Variants in LSAMP observed in about 807,000 individuals in gnomAD.
LSAMP encodes the protein limbic system-associated membrane protein.
A neutral mutation model predicts 38.6 loss-of-function variants in LSAMP; 7 were observed. The ratio of observed to expected loss-of-function variants is 0.18; its 90% CI spans 0.10 to 0.34. The LOEUF is 0.34. LSAMP is among the 10% of genes least tolerant of loss of function. LSAMP has a pLI of 1.00. For synonymous variants in LSAMP, 154 were observed against 166.8 expected (o/e 0.92, Z 0.59); for missense variants, 313 against 420.0 (o/e 0.75, Z 2.23).
At chr3:116,440,817 A>C (rs942441778) in intron 1 of LSAMP, among the ~76,000 whole-genome samples, 5 of 152,230 alleles carry the variant, frequency 3.3e-5, no homozygotes, top group African/African-American at 1.2e-4. Context: ...CAGAAAAAGA[A>C]AATTTCATGA....
intron 1 of LSAMP, among the ~76,000 whole-genome samples, chr3:116,103,485 AAAAG>A (rs1489198897): frequency 3.3e-5 from 5 of 149,722 alleles, no homozygotes; most frequent in Non-Finnish European, 5.9e-5. Flanking sequence ...AAAAAAAAAA[AAAAG>A]AAAGACAGTG....
intron 1 of LSAMP, among the ~76,000 whole-genome samples, chr3:116,346,455 A>G (rs780786570): frequency 6.6e-6 from 1 of 151,906 alleles, no homozygotes; most frequent in Non-Finnish European, 1.5e-5. Context: ...CAGTGTCCAC[A>G]GTAGCTGAGA....
At chr3:115,830,757 C>T (rs1934581537) in intron 6 of LSAMP, among the ~76,000 whole-genome samples, 1 of 152,160 alleles carries the variant, frequency 6.6e-6, no homozygotes, top group Non-Finnish European at 1.5e-5. Context: ...CAGTGATCTT[C>T]ACAGCATGGG....
intron 3 of LSAMP, among the ~76,000 whole-genome samples, chr3:115,955,029 A>C (rs1301468815): frequency 1.3e-5 from 2 of 150,736 alleles, no homozygotes; most frequent in Non-Finnish European, 2.9e-5. Flanking sequence ...ATCTCGGCTC[A>C]CTGCAAGCTC....
intron 2 of LSAMP, among the ~76,000 whole-genome samples, chr3:116,037,988 G>T (rs1941085399): frequency 6.6e-6 from 1 of 152,012 alleles, no homozygotes; most frequent in African/African-American, 2.4e-5. Flanking sequence ...TAAGAGGCCA[G>T]GGATCTAGAA....
intron 1 of LSAMP, among the ~76,000 whole-genome samples, chr3:116,154,277 C>A (rs534310331): frequency 6.6e-6 from 1 of 152,102 alleles, no homozygotes; most frequent in East Asian, 1.9e-4. Flanking sequence ...TAATTATGCT[C>A]ATTATGCTAC....
At chr3:115,884,148 G>T (rs1331637930) in intron 3 of LSAMP, among the ~76,000 whole-genome samples, 1 of 152,004 alleles carries the variant, frequency 6.6e-6, no homozygotes, top group Non-Finnish European at 1.5e-5. Flanking sequence ...TTTGCAAAGG[G>T]ATGAAGAAAA....
At chr3:115,880,411 T>A (rs1936291428) in intron 3 of LSAMP, among the ~76,000 whole-genome samples, 1 of 152,212 alleles carries the variant, frequency 6.6e-6, no homozygotes, top group Non-Finnish European at 1.5e-5. Context: ...TAAATTTTGT[T>A]TTGCCTTTTG....
intron 1 of LSAMP, among the ~76,000 whole-genome samples, chr3:116,249,936 A>G (rs965241956): frequency 1.3e-5 from 2 of 152,206 alleles, no homozygotes; most frequent in Admixed American, 1.3e-4. Context: ...TAAGAGCATT[A>G]TCTCATTTAT....
At chr3:115,977,729 C>A (rs1297722313) in intron 3 of LSAMP, among the ~76,000 whole-genome samples, 60 of 129,736 alleles carry the variant, frequency 4.6e-4, no homozygotes, top group Middle Eastern at 4.7e-3. Flanking sequence ...AACAGAACAC[C>A]AAAAAAAAAA....
chr3:116,444,811 A>ACACAAAC, intron 1 of LSAMP, 66 bp downstream of exon 1: 2 of 713,292 alleles, frequency 2.8e-6, no homozygotes, highest in African/African-American at 5.3e-5. Context: ...CACACACACA[A>ACACAAAC]ACACACACAC....
intron 2 of LSAMP, among the ~76,000 whole-genome samples, chr3:116,057,904 A>C (rs1941516894): frequency 6.6e-6 from 1 of 150,704 alleles, no homozygotes; most frequent in African/African-American, 2.4e-5. Flanking sequence ...AATTCCCTTC[A>C]GCTTGAAGTT....
intron 1 of LSAMP, among the ~76,000 whole-genome samples, chr3:116,440,904 T>G (rs1342543088): frequency 1.3e-5 from 2 of 152,242 alleles, no homozygotes; most frequent in Admixed American, 1.3e-4. Context: ...GAAAATCACA[T>G]ATCGTATCAA....
chr3:116,127,735 G>A lies in LSAMP; in HGVS notation c.156-41179C>T, dbSNP rs529880087. On this transcript the variant is annotated intron_variant, in intron 1 of 6. Coordinates refer to ENST00000490035, the MANE Select transcript of LSAMP (RefSeq NM_002338.5). ...TTTTTTTTTTTTGGTAGACCTGTTG[G>A]ATCACGAGGCAAATAGTACAAAAAA... is the stretch of plus-strand genomic sequence containing the variant. Among the ~76,000 whole-genome samples the A allele has an allele frequency of 8.8e-5, 12 of 136,854 alleles. No homozygotes were observed. In the South Asian group the frequency reaches 2.7e-3, roughly 31 times the overall value. 89.8% of individuals were successfully genotyped at this position (136,854 alleles called of 152,430 possible). A position where few individuals can be genotyped will look rare whatever the true frequency, so the allele number is the denominator to read the frequency against.
At chr3:115,957,139 A>G (rs1938478203) in intron 3 of LSAMP, among the ~76,000 whole-genome samples, 1 of 152,218 alleles carries the variant, frequency 6.6e-6, no homozygotes, top group Non-Finnish European at 1.5e-5. Context: ...TTTATGTAGT[A>G]AAGATATCCA....
intron 1 of LSAMP, among the ~76,000 whole-genome samples, chr3:116,158,775 C>T (rs1010497694): frequency 2.0e-5 from 3 of 151,940 alleles, no homozygotes; most frequent in East Asian, 1.9e-4. Flanking sequence ...TCATACTGCC[C>T]GAAGCAATTT....
intron 1 of LSAMP, among the ~76,000 whole-genome samples, chr3:116,114,197 C>A (rs1352036009): frequency 6.6e-6 from 1 of 152,204 alleles, no homozygotes; most frequent in African/African-American, 2.4e-5. Context: ...GCACCCCATG[C>A]TCCCTTCTTT....
At chr3:116,360,090 T>G (rs540501023) in intron 1 of LSAMP, 1 of 153,186 alleles carries the variant, frequency 6.5e-6, no homozygotes, top group South Asian at 2.1e-4. Context: ...CATTTCCATC[T>G]GAGGTACTGG....
chr3:116,397,501 A>G (rs1388812172), intron 1 of LSAMP, among the ~76,000 whole-genome samples: 1 of 150,634 alleles, frequency 6.6e-6, no homozygotes, highest in Non-Finnish European at 1.5e-5. Flanking sequence ...TTACTTATTT[A>G]TTTATATTAT....
Sources: allele counts gnomAD v4.1 joint callset (sites outside exome capture counted in the v4.1 genomes callset), GRCh38; gene constraint gnomAD v4.1.1; transcripts MANE v1.5; gene names NCBI Gene and HGNC (gene_info 2026-07-23, HGNC 2026-07-21).